EPM2A: variants seen among roughly 807,000 people sequenced by gnomAD.
EPM2A encodes laforin.
EPM2A carries 21 observed loss-of-function variants against 26.5 expected under a neutral mutation model. That is an observed-to-expected ratio of 0.79 (90% CI 0.56 to 1.14). EPM2A has a LOEUF of 1.14. EPM2A is among the 50% of genes most tolerant of loss of function. The probability of loss-of-function intolerance (pLI) is 0.00; values close to 1 mark genes in which losing one functional copy is unlikely to be tolerated. For synonymous variants in EPM2A, 217 were observed against 177.6 expected, an observed-to-expected ratio of 1.22 and a Z score of -1.76; for missense variants, 458 against 440.8, an observed-to-expected ratio of 1.04 and a Z score of -0.35.
intron 2 of EPM2A, among the ~76,000 whole-genome samples, chr6:145,570,258 C>T (rs570602609): frequency 2.5e-4 from 38 of 152,274 alleles, no homozygotes; most frequent in African/African-American, 8.4e-4. Context: ...CATCACAAGT[C>T]CAACCCTTGT....
intron 4 of EPM2A, among the ~76,000 whole-genome samples, chr6:145,419,181 C>G (rs971770892): frequency 2.1e-4 from 3 of 14,296 alleles, no homozygotes; most frequent in Non-Finnish European, 4.7e-4. Flanking sequence ...TGTTAAATGT[C>G]CCCCCCCCCC....
intron 1 of EPM2A, among the ~76,000 whole-genome samples, chr6:145,695,214 T>G (rs972408342): frequency 1.3e-5 from 2 of 152,008 alleles, no homozygotes; most frequent in Admixed American, 1.3e-4. Flanking sequence ...TAAAGTTAAG[T>G]TGGTAACAGC....
intron 4 of EPM2A, among the ~76,000 whole-genome samples, chr6:145,433,430 CTTT>C (rs1171729096): frequency 6.6e-6 from 1 of 152,076 alleles, no homozygotes; most frequent in African/African-American, 2.4e-5. Flanking sequence ...CTTAGCTTTT[CTTT>C]TTATTCTGTA....
chr6:145,566,563 C>A (rs1302219424), intron 2 of EPM2A, among the ~76,000 whole-genome samples: 4 of 152,180 alleles, frequency 2.6e-5, no homozygotes, highest in Non-Finnish European at 5.9e-5. Context: ...ACTACCATGT[C>A]AATTCCTTTT....
At chr6:145,586,943 T>C (rs992836617) in intron 2 of EPM2A, among the ~76,000 whole-genome samples, 8 of 152,216 alleles carry the variant, frequency 5.3e-5, no homozygotes, top group Non-Finnish European at 1.0e-4. Context: ...CCCAACCTGA[T>C]GGCAATGTTA....
chr6:145,405,005 T>G (rs973484848), intron 4 of EPM2A, among the ~76,000 whole-genome samples: 30 of 152,158 alleles, frequency 2.0e-4, no homozygotes, highest in African/African-American at 7.2e-4. Flanking sequence ...AGGAAAGTAA[T>G]GAACATCTTG....
intron 2 of EPM2A, among the ~76,000 whole-genome samples, chr6:145,575,639 G>A (rs548565760): frequency 6.6e-6 from 1 of 152,144 alleles, no homozygotes; most frequent in African/African-American, 2.4e-5. Context: ...GTTGTCAAAG[G>A]TATTATGTAT....
At chr6:145,398,831 G>C (rs1052774972) in intron 4 of EPM2A, among the ~76,000 whole-genome samples, 15 of 123,714 alleles carry the variant, frequency 1.2e-4, no homozygotes, top group Admixed American at 8.3e-5. Context: ...CTGCATTCCA[G>C]CCTGGGTGAC....
At chr6:145,597,977 A>C (rs1382742606) in intron 2 of EPM2A, among the ~76,000 whole-genome samples, 1 of 152,122 alleles carries the variant, frequency 6.6e-6, no homozygotes, top group Non-Finnish European at 1.5e-5. Context: ...TCTGTCACTG[A>C]TGGGCAGTTA....
intron 1 of EPM2A, among the ~76,000 whole-genome samples, chr6:145,732,025 G>C (rs1441876906): frequency 6.6e-6 from 1 of 152,126 alleles, no homozygotes; most frequent in Non-Finnish European, 1.5e-5. Flanking sequence ...GCCAAATAAA[G>C]ACATTTTAGG....
intron 2 of EPM2A, among the ~76,000 whole-genome samples, chr6:145,526,505 C>T (rs1780275519): frequency 6.6e-6 from 1 of 151,832 alleles, no homozygotes. Flanking sequence ...TTCAATTTCT[C>T]CCCCATTCAG....
At chr6:145,706,054 A>C in intron 1 of EPM2A, 1 of 426,086 alleles carries the variant, frequency 2.3e-6, no homozygotes, top group Non-Finnish European at 4.7e-6. Flanking sequence ...CAGATATTCA[A>C]GATGCAAATG....
intron 4 of EPM2A, among the ~76,000 whole-genome samples, chr6:145,457,561 A>G (rs997485217): frequency 2.6e-5 from 4 of 152,102 alleles, no homozygotes; most frequent in African/African-American, 7.2e-5. Flanking sequence ...CTACCAGTGC[A>G]TCTCTTTTGC....
At chr6:145,437,263 C>T (rs1311695634) in intron 4 of EPM2A, among the ~76,000 whole-genome samples, 1 of 152,082 alleles carries the variant, frequency 6.6e-6, no homozygotes, top group Non-Finnish European at 1.5e-5. Context: ...CTTACTTCCC[C>T]TTCGCCTTCT....
At chr6:145,612,316 G>A (rs1040016468) in intron 2 of EPM2A, among the ~76,000 whole-genome samples, 3 of 152,050 alleles carry the variant, frequency 2.0e-5, no homozygotes, top group East Asian at 1.9e-4. Context: ...CAGATAAATG[G>A]GTAAAATGGG....
At chr6:145,479,884 G>A (rs398408) in intron 4 of EPM2A, among the ~76,000 whole-genome samples, 53,813 of 151,734 alleles carry the variant, frequency 0.35, 10,160 homozygotes, top group South Asian at 0.49. Flanking sequence ...CAACATACAA[G>A]GATTTCAATT....
At chr6:145,492,172 CTGGAGTG>C in intron 4 of EPM2A, 1 of 206,708 alleles carries the variant, frequency 4.8e-6, no homozygotes, top group South Asian at 7.6e-5. Flanking sequence ...CAGGCAGGAA[CTGGAGTG>C]TGGGTCTTGG....
intron 2 of EPM2A, among the ~76,000 whole-genome samples, chr6:145,578,863 G>A (rs771683644): frequency 6.6e-6 from 1 of 152,072 alleles, no homozygotes; most frequent in Non-Finnish European, 1.5e-5. Context: ...AAAAGCAGGA[G>A]AAGAAGGGCG....
At chr6:145,419,185 C>CG (rs1554235073) in intron 4 of EPM2A, among the ~76,000 whole-genome samples, 1 of 149,126 alleles carries the variant, frequency 6.7e-6, no homozygotes, top group Non-Finnish European at 1.5e-5. Flanking sequence ...AAATGTCCCC[C>CG]CCCCCCGCTC....
Sources: gnomAD v4.1 joint callset for allele counts (sites outside exome capture counted in the v4.1 genomes callset) on GRCh38, gnomAD v4.1.1 for gene constraint, MANE v1.5 for transcripts, NCBI Gene and HGNC (gene_info 2026-07-23, HGNC 2026-07-21) for gene names.